Variants in CAPS2 observed in about 807,000 individuals in gnomAD.
CAPS2 encodes calcyphosin-2.
CAPS2 carries 98 observed loss-of-function variants against 86.5 expected under a neutral mutation model. The ratio of observed to expected loss-of-function variants is 1.13; its 90% CI spans 0.96 to 1.34. CAPS2 has a LOEUF of 1.34. Ranked by LOEUF, CAPS2 falls within the 40% of genes most tolerant of loss-of-function variation. CAPS2 has a pLI of 0.00. For synonymous variants in CAPS2, 210 were observed against 225.1 expected, an observed-to-expected ratio of 0.93 and a Z score of 0.60; for missense variants, 729 against 686.8, an observed-to-expected ratio of 1.06 and a Z score of -0.69.
intron 7 of CAPS2, among the ~76,000 whole-genome samples, chr12:75,310,249 C>G (rs2038998519): frequency 6.6e-6 from 1 of 151,972 alleles, no homozygotes; most frequent in African/African-American, 2.4e-5. Context: ...TAAGAAGATA[C>G]AAAGTTTTGA....
intron 15 of CAPS2, among the ~76,000 whole-genome samples, chr12:75,282,797 A>G (rs963948549): frequency 6.6e-6 from 1 of 152,222 alleles, no homozygotes; most frequent in Non-Finnish European, 1.5e-5. Flanking sequence ...TACTATACTG[A>G]TACACAAAAG....
chr12:75,358,010 A>C (rs1161287216), intron 1 of CAPS2, among the ~76,000 whole-genome samples: 1 of 151,554 alleles, frequency 6.6e-6, no homozygotes, highest in African/African-American at 2.4e-5. Context: ...AAAAGCATAC[A>C]TAAATAAAAT....
At chr12:75,369,974 A>C (rs768596138) in intron 1 of CAPS2, 1 of 1,084,924 alleles carries the variant, frequency 9.2e-7, no homozygotes, top group Non-Finnish European at 1.3e-6. Context: ...TCCACAACTT[A>C]TTATACCTAA....
At chr12:75,341,789 A>C (rs1407663431) in intron 1 of CAPS2, among the ~76,000 whole-genome samples, 4 of 100,676 alleles carry the variant, frequency 4.0e-5, no homozygotes, top group African/African-American at 8.3e-5. Context: ...AGTCTCTGTC[A>C]CCCAGACTGG....
chr12:75,337,105 A>T (rs1477235557), intron 1 of CAPS2, among the ~76,000 whole-genome samples: 3 of 151,858 alleles, frequency 2.0e-5, no homozygotes, highest in Non-Finnish European at 3.0e-5. Context: ...ATAGCAAAAG[A>T]AGTGTTTGGA....
intron 11 of CAPS2, among the ~76,000 whole-genome samples, chr12:75,297,669 C>G (rs2037132766): frequency 6.6e-6 from 1 of 152,166 alleles, no homozygotes; most frequent in Non-Finnish European, 1.5e-5. Flanking sequence ...TTAGATAACT[C>G]TTTAACATGG....
At chr12:75,280,606 A>G (rs770581838) in intron 16 of CAPS2, among the ~76,000 whole-genome samples, 3 of 151,980 alleles carry the variant, frequency 2.0e-5, no homozygotes, top group Admixed American at 1.3e-4. Flanking sequence ...TCTTATATTT[A>G]GTATGACTAA....
At chr12:75,276,122 AC>A (rs2032891096), downstream of CAPS2, 10 of 1,376,302 alleles carry the variant, frequency 7.3e-6, no homozygotes, top group Non-Finnish European at 9.7e-6. Context: ...ATCCATGTCC[AC>A]CCTGCAGATT....
chr12:75,360,783 C>G (rs540411746), intron 1 of CAPS2: 24 of 152,312 alleles, frequency 1.6e-4, no homozygotes, highest in African/African-American at 5.5e-4. Context: ...CCCACCTTTT[C>G]TTTCCACACT....
At chr12:75,279,236 C>A (rs1049079687) in intron 16 of CAPS2, among the ~76,000 whole-genome samples, 171 bp from the exon 17 acceptor site, 1 of 151,922 alleles carries the variant, frequency 6.6e-6, no homozygotes, top group Non-Finnish European at 1.5e-5. Context: ...TCATCTCATT[C>A]GATTTGCCAC....
At chr12:75,291,789 T>C (rs775802336) in exon 13 of CAPS2, 2 of 1,562,698 alleles carry the variant, frequency 1.3e-6, no homozygotes, top group South Asian at 1.2e-5. Context: ...TCTTGAATGA[T>C]TATATCATCC....
chr12:75,385,095 T>G (rs558292546), intron 1 of CAPS2, among the ~76,000 whole-genome samples: 1 of 152,334 alleles, frequency 6.6e-6, no homozygotes, highest in Non-Finnish European at 1.5e-5. Flanking sequence ...TGCCATATGA[T>G]GCCCTGCACT....
intron 1 of CAPS2, among the ~76,000 whole-genome samples, chr12:75,367,268 GAAAAAAAAAAAAAA>G (rs35250320): frequency 1.1e-5 from 1 of 88,738 alleles, no homozygotes; most frequent in Non-Finnish European, 2.1e-5. Flanking sequence ...TTCCTAGGAG[GAAAAAAAAAAAAAA>G]AAAAAAAAGA....
intron 1 of CAPS2, among the ~76,000 whole-genome samples, chr12:75,326,203 T>C (rs2040768711): frequency 6.6e-6 from 1 of 152,116 alleles, no homozygotes; most frequent in Non-Finnish European, 1.5e-5. Context: ...ACAATAATAA[T>C]ACAATAAGTT....
At chr12:75,381,172 A>C (rs1158319603) in intron 1 of CAPS2, among the ~76,000 whole-genome samples, 1 of 152,140 alleles carries the variant, frequency 6.6e-6, no homozygotes, top group Non-Finnish European at 1.5e-5. Flanking sequence ...TTCTCATGAC[A>C]GTGAATAAGT....
chr12:75,292,542 C>G (rs1252632902), intron 12 of CAPS2, among the ~76,000 whole-genome samples: 2 of 147,958 alleles, frequency 1.4e-5, no homozygotes, highest in Non-Finnish European at 3.0e-5. Flanking sequence ...TTCCTTACAG[C>G]CATTTTGTAG....
intron 7 of CAPS2, chr12:75,306,098 G>A: frequency 7.2e-7 from 1 of 1,386,576 alleles, no homozygotes; most frequent in Non-Finnish European, 1.0e-6. Flanking sequence ...GGCCCTGGAA[G>A]AAGCACTCCA....
At chr12:75,293,764 G>A (rs2036419787) in intron 11 of CAPS2, among the ~76,000 whole-genome samples, 1 of 152,104 alleles carries the variant, frequency 6.6e-6, no homozygotes, top group Non-Finnish European at 1.5e-5. Flanking sequence ...CTGAACTTTT[G>A]ATGACAGATG....
chr12:75,336,611 A>C (rs999791248), intron 1 of CAPS2, among the ~76,000 whole-genome samples: 1 of 151,822 alleles, frequency 6.6e-6, no homozygotes, highest in Non-Finnish European at 1.5e-5. Flanking sequence ...AAGACACAGC[A>C]ATCTTCAATA....
Sources: allele counts gnomAD v4.1 joint callset (sites outside exome capture counted in the v4.1 genomes callset), GRCh38; gene constraint gnomAD v4.1.1; transcripts MANE v1.5; gene names NCBI Gene and HGNC (gene_info 2026-07-23, HGNC 2026-07-21).